SYNE3: variants seen among roughly 807,000 people sequenced by gnomAD.
SYNE3 encodes nesprin-3.
Under a neutral mutation model 111.2 loss-of-function variants are expected in SYNE3, and 100 were observed. That is an observed-to-expected ratio of 0.90 (90% CI 0.77 to 1.06). SYNE3 has a LOEUF of 1.06. Among genes scored for constraint, SYNE3 ranks in the 50% least tolerant of loss-of-function variants. The probability of loss-of-function intolerance (pLI) is 0.00; values close to 1 mark genes in which losing one functional copy is unlikely to be tolerated. For synonymous variants in SYNE3, 547 were observed against 533.9 expected (o/e 1.02, Z -0.34); for missense variants, 1,160 against 1,240.3 (o/e 0.94, Z 0.97).
chr14:95,446,569 C>A (rs908732630), intron 8 of SYNE3, among the ~76,000 whole-genome samples: 4 of 152,048 alleles, frequency 2.6e-5, no homozygotes, highest in African/African-American at 9.7e-5. Flanking sequence ...GTGGACACAC[C>A]CCCCAGCGCT....
intron 4 of SYNE3, among the ~76,000 whole-genome samples, chr14:95,460,367 G>GTTTTTTTTTTTTTTTTTT (rs548346693): frequency 1.1e-4 from 9 of 85,238 alleles, no homozygotes; most frequent in East Asian, 3.7e-4. Context: ...ACGATGCCTA[G>GTTTTTTTTTTTTTTTTTT]TTTTTTTTTT....
chr14:95,500,579 C>T lies in SYNE3; in HGVS notation c.-15+16017G>A, dbSNP rs1467981252. The stretch of plus-strand genomic sequence containing the variant: ...CTTCCTCCTGGAGCTGGCCTGTGTC[C>T]GGGGCTGAGCTCCCCATCAGACCCA... On this transcript the variant is annotated intron_variant, in intron 1 of 17. Coordinates refer to ENST00000682763, the MANE Select transcript of SYNE3 (RefSeq NM_152592.6). This position sits in a 1 kb window ranked among gnomAD's most constrained non-coding sequence, Gnocchi z 4.7. Among the ~76,000 whole-genome samples the T allele has an allele frequency of 1.3e-5, 2 of 152,228 alleles. No individual in the cohort carries two copies. Among genetic ancestry groups the T allele is most frequent in the Non-Finnish European group, 1.5e-5 (1 of 68,040 alleles).
chr14:95,452,461 T>A, intron 6 of SYNE3, 78 bp from the exon 7 acceptor site: 1 of 1,453,272 alleles, frequency 6.9e-7, no homozygotes, highest in Non-Finnish European at 9.1e-7. Flanking sequence ...AGGGTGAGCG[T>A]GGCCAGTGGA....
At chr14:95,514,553 T>A (rs752112637) in intron 1 of SYNE3, among the ~76,000 whole-genome samples, 10 of 152,210 alleles carry the variant, frequency 6.6e-5, no homozygotes, top group Non-Finnish European at 1.5e-4. Context: ...CCATACAAAA[T>A]GCTGATCAGG....
chr14:95,511,412 G>T (rs907522921), intron 1 of SYNE3, among the ~76,000 whole-genome samples: 29 of 152,100 alleles, frequency 1.9e-4, no homozygotes, highest in African/African-American at 7.0e-4. Flanking sequence ...AAAATAAAAT[G>T]ATCCTGGGCC....
intron 8 of SYNE3, among the ~76,000 whole-genome samples, chr14:95,449,007 T>A (rs962390535): frequency 1.1e-4 from 16 of 152,146 alleles, no homozygotes; most frequent in Admixed American, 9.2e-4. Flanking sequence ...CTCACACACG[T>A]TTGAGTCTTT....
intron 1 of SYNE3, among the ~76,000 whole-genome samples, chr14:95,509,925 A>T (rs1357001910): frequency 6.6e-6 from 1 of 152,224 alleles, no homozygotes; most frequent in African/African-American, 2.4e-5. Flanking sequence ...CTGGTCAGGG[A>T]GTTAGGAGAT....
intron 1 of SYNE3, among the ~76,000 whole-genome samples, chr14:95,480,038 A>G (rs878599): frequency 0.22 from 34,060 of 151,536 alleles, 4,230 homozygotes; most frequent in South Asian, 0.48. Context: ...GACTGGTTGA[A>G]TGGAGATAGG....
chr14:95,493,022 C>G (rs983681058), intron 1 of SYNE3, among the ~76,000 whole-genome samples: 7 of 152,112 alleles, frequency 4.6e-5, no homozygotes, highest in Non-Finnish European at 1.0e-4. Context: ...TAAAAATACA[C>G]CCACCAAAGG....
At position 95,417,580 on chromosome 14, in the gene SYNE3, C is replaced by G; in HGVS notation, c.*246G>C. Reference sequence around the variant, plus strand: ...ATTATACATACTGAGCATTTACATACAGATCATATAAAAATTCTAGACATT... The same window carrying G: ...ATTATACATACTGAGCATTTACATAGAGATCATATAAAAATTCTAGACATT... On this transcript the variant is annotated 3_prime_UTR_variant, in exon 18 of 18. Transcript: ENST00000682763. 1 of 562,522 alleles carries G rather than the reference C, an allele frequency of 1.8e-6. No individual in the cohort carries two copies. The highest frequency in any genetic ancestry group is 2.1e-5 in the South Asian group (1 of 48,000). 34.8% of individuals were successfully genotyped at this position (562,522 alleles called of 1,614,324 possible).
intron 15 of SYNE3, among the ~76,000 whole-genome samples, chr14:95,434,844 A>T (rs1885994283): frequency 6.6e-6 from 1 of 152,118 alleles, no homozygotes; most frequent in African/African-American, 2.4e-5. Context: ...TTCAGTAGAA[A>T]CGTGGTTTCT....
chr14:95,477,620 A>G (rs541855317), intron 1 of SYNE3, among the ~76,000 whole-genome samples: 51 of 152,346 alleles, frequency 3.3e-4, no homozygotes, highest in African/African-American at 1.2e-3. Flanking sequence ...GGAAGAGGCC[A>G]TCAGACGCGT....
At chr14:95,512,241 T>C (rs1487099885) in intron 1 of SYNE3, among the ~76,000 whole-genome samples, 2 of 152,258 alleles carry the variant, frequency 1.3e-5, no homozygotes, top group East Asian at 1.9e-4. Flanking sequence ...CAGATTAACA[T>C]TGGAATCTGA....
At chr14:95,427,440 G>T (rs189790920) in intron 17 of SYNE3, among the ~76,000 whole-genome samples, 1 of 152,372 alleles carries the variant, frequency 6.6e-6, no homozygotes, top group Non-Finnish European at 1.5e-5. Context: ...CTGTGCTTCA[G>T]TGGTCACGCT....
In SYNE3 at chr14:95,408,699, T is replaced by TCC; in HGVS notation, c.*9125_*9126dup. 1 of 190,310 alleles carries TCC rather than the reference T, an allele frequency of 5.3e-6. No individual in the cohort carries two copies. The highest frequency in any genetic ancestry group is 1.1e-5 in the Non-Finnish European group (1 of 93,694). 11.8% of individuals were successfully genotyped at this position (190,310 alleles called of 1,614,324 possible). A position where few individuals can be genotyped will look rare whatever the true frequency, so the allele number is the denominator to read the frequency against. ...CTATGCTCACATACGCGTGCATCCC[T>TCC]CCCACCCTGCCCACCCCTTCACATG... On this transcript the variant is annotated 3_prime_UTR_variant, in exon 18 of 18. Coordinates refer to ENST00000682763, the MANE Select transcript of SYNE3 (RefSeq NM_152592.6).
At chr14:95,488,939 G>A (rs1024915470) in intron 1 of SYNE3, among the ~76,000 whole-genome samples, 2 of 152,194 alleles carry the variant, frequency 1.3e-5, no homozygotes, top group African/African-American at 4.8e-5. Context: ...CATTTGTGGT[G>A]TAGGACGGCC....
At chr14:95,465,382 G>A (rs1888098575) in intron 4 of SYNE3, among the ~76,000 whole-genome samples, 1 of 152,178 alleles carries the variant, frequency 6.6e-6, no homozygotes, top group Admixed American at 6.5e-5. Context: ...AGGATTGGGG[G>A]ATGGGTAGCT....
At position 95,409,790 on chromosome 14, in the gene SYNE3, T is replaced by C; in HGVS notation, c.*8036A>G. ...TTTAAGTCCTCTTTGACTCTGGGCC[T>C]CTGCTGAAGCAGCCTGCAGGCACTG... On this transcript the variant is annotated 3_prime_UTR_variant, in exon 18 of 18. Coordinates refer to ENST00000682763, the MANE Select transcript of SYNE3 (RefSeq NM_152592.6). The C allele has an allele frequency of 4.6e-6, 1 of 217,000 alleles. No individual in the cohort carries two copies. Among genetic ancestry groups the C allele is most frequent in the East Asian group, 1.2e-4 (1 of 8,494 alleles). The allele number at this position is 217,000 out of a possible 1,614,324, so 13.4% of individuals were successfully genotyped here.
intron 17 of SYNE3, among the ~76,000 whole-genome samples, chr14:95,430,714 C>T (rs1200046296): frequency 4.0e-5 from 6 of 151,870 alleles, no homozygotes; most frequent in South Asian, 2.1e-4. Flanking sequence ...ATCCCAGCTA[C>T]TTGGGAGGCT....
Sources: allele counts gnomAD v4.1 joint callset (sites outside exome capture counted in the v4.1 genomes callset), GRCh38; gene constraint gnomAD v4.1.1; non-coding constraint Gnocchi (gnomAD v3.1); transcripts MANE v1.5; gene names NCBI Gene and HGNC (gene_info 2026-07-23, HGNC 2026-07-21).